TRAPPC12: variants seen among roughly 807,000 people sequenced by gnomAD.
TRAPPC12 encodes trafficking protein particle complex subunit 12, also known as TPR repeat protein 15.
TRAPPC12 carries 61 observed loss-of-function variants against 69.2 expected under a neutral mutation model. The ratio of observed to expected loss-of-function variants is 0.88; its 90% CI spans 0.72 to 1.09. TRAPPC12 has a LOEUF of 1.09. TRAPPC12 is among the 50% of genes least tolerant of loss of function. TRAPPC12 has a pLI of 0.00. For synonymous variants in TRAPPC12, 469 were observed against 438.9 expected (o/e 1.07, Z -0.86); for missense variants, 1,101 against 1,016.4 (o/e 1.08, Z -1.13).
At chr2:3,411,499 T>C (rs1662057874) in intron 3 of TRAPPC12, among the ~76,000 whole-genome samples, 1 of 152,262 alleles carries the variant, frequency 6.6e-6, no homozygotes, top group Admixed American at 6.5e-5. Flanking sequence ...CACTGTCCTT[T>C]TACATTTTAG....
intron 5 of TRAPPC12, 137 bp downstream of exon 5, chr2:3,424,800 C>T (rs546389856): frequency 2.1e-6 from 2 of 962,528 alleles, no homozygotes; most frequent in African/African-American, 3.3e-5. Flanking sequence ...CAGCAACAAG[C>T]CTTGACTTAC....
At chr2:3,461,614 C>T (rs1355767951) in intron 8 of TRAPPC12, among the ~76,000 whole-genome samples, 1 of 152,238 alleles carries the variant, frequency 6.6e-6, no homozygotes, top group African/African-American at 2.4e-5. Context: ...TTACGGTTTT[C>T]AAGTTCTGTG....
intron 6 of TRAPPC12, among the ~76,000 whole-genome samples, chr2:3,446,997 C>T (rs6758292): frequency 0.024 from 3,637 of 152,242 alleles, 134 homozygotes; most frequent in African/African-American, 0.084. Flanking sequence ...AAGGAATACC[C>T]GAGGGTGAGT....
chr2:3,399,706 AT>A (rs1661318120), intron 2 of TRAPPC12, among the ~76,000 whole-genome samples: 1 of 152,124 alleles, frequency 6.6e-6, no homozygotes, highest in African/African-American at 2.4e-5. Flanking sequence ...CATGGTCTAG[AT>A]TCTGTTCTTC....
intron 3 of TRAPPC12, among the ~76,000 whole-genome samples, chr2:3,411,189 A>G (rs1662035052): frequency 6.6e-6 from 1 of 152,214 alleles, no homozygotes; most frequent in African/African-American, 2.4e-5. Context: ...TATACTTAGT[A>G]GTAACTTACA....
chr2:3,408,973 A>C (rs769755660), intron 3 of TRAPPC12, among the ~76,000 whole-genome samples: 9 of 152,072 alleles, frequency 5.9e-5, no homozygotes, highest in Non-Finnish European at 1.0e-4. Flanking sequence ...TGCGGCACAG[A>C]GCTATGTGCA....
At chr2:3,433,423 C>T (rs549594795) in intron 5 of TRAPPC12, among the ~76,000 whole-genome samples, 16 of 152,342 alleles carry the variant, frequency 1.1e-4, no homozygotes, top group Non-Finnish European at 1.9e-4. Flanking sequence ...GCACAGGCGT[C>T]CAGGCATCAT....
chr2:3,418,951 A>T (rs920420150), intron 3 of TRAPPC12, among the ~76,000 whole-genome samples: 1 of 151,668 alleles, frequency 6.6e-6, no homozygotes, highest in South Asian at 2.1e-4. Flanking sequence ...CTCCTCATCC[A>T]CACCTGCTCG....
chr2:3,469,648 C>T (rs1202800303), intron 9 of TRAPPC12, among the ~76,000 whole-genome samples: 1 of 152,200 alleles, frequency 6.6e-6, no homozygotes, highest in Admixed American at 6.5e-5. Context: ...ACCCAGGTCC[C>T]CCACACGGCC....
In TRAPPC12 at chr2:3,388,027, C is replaced by A; in HGVS notation, c.404C>A (p.Ala135Glu). ...PSSGGAPRQD[A>E]AREVPGSEAA... ...AGCGGAGGGGCCCCGAGGCAGGACG[C>A]GGCCCGCGAGGTCCCAGGCAGCGAA... Residue 135 changes from alanine to glutamate, a missense_variant, in exon 2 of 12, where the codon GCG becomes GAG. Transcript: ENST00000324266. 6.8e-7 allele frequency: 1 copy of A among 1,474,642 alleles called. No homozygotes were observed. The highest frequency in any genetic ancestry group is 8.9e-7 in the Non-Finnish European group (1 of 1,119,498). 91.3% of individuals were successfully genotyped at this position (1,474,642 alleles called of 1,614,324 possible). A position where few individuals can be genotyped will look rare whatever the true frequency, so the allele number is the denominator to read the frequency against.
chr2:3,432,792 C>T (rs1663511930), intron 5 of TRAPPC12, among the ~76,000 whole-genome samples: 1 of 152,214 alleles, frequency 6.6e-6, no homozygotes, highest in Non-Finnish European at 1.5e-5. Context: ...GGTTCCGTAT[C>T]TACCATGAGA....
chr2:3,456,185 G>A (rs1665141069), intron 6 of TRAPPC12: 1 of 152,214 alleles, frequency 6.6e-6, no homozygotes, highest in African/African-American at 2.4e-5. Flanking sequence ...ACGGTTAAGA[G>A]GAAACATCCT....
In TRAPPC12 at chr2:3,433,448, G is replaced by A. The variant is rs567887718; in HGVS notation, c.1417+8785G>A. ...CCAGGCATCATGTCACACCTGCTGC[G>A]GCCTCACGGCAACCTAGCTGCCTCT... On this transcript the variant is annotated intron_variant, in intron 5 of 11. Coordinates refer to ENST00000324266, the MANE Select transcript of TRAPPC12 (RefSeq NM_016030.6). Among the ~76,000 whole-genome samples, 7 of 152,242 alleles carry A rather than the reference G, an allele frequency of 4.6e-5. 1 individual carries two copies. In the East Asian group the frequency reaches 5.8e-4, roughly 13 times the overall value.
intron 7 of TRAPPC12, 163 bp from the exon 8 acceptor site, chr2:3,460,100 C>T (rs996731417): frequency 4.3e-6 from 3 of 704,606 alleles, no homozygotes; most frequent in Non-Finnish European, 7.8e-6. Context: ...TATTTTCTGC[C>T]TCAGTGCAGC....
At chr2:3,423,760 ATTC>A (rs918090274) in intron 4 of TRAPPC12, among the ~76,000 whole-genome samples, 1 of 152,170 alleles carries the variant, frequency 6.6e-6, no homozygotes, top group African/African-American at 2.4e-5. Flanking sequence ...AGTGAAATTC[ATTC>A]TTCTCATCAG....
intron 1 of TRAPPC12, among the ~76,000 whole-genome samples, chr2:3,386,489 T>C (rs1318673747): frequency 6.6e-6 from 1 of 152,140 alleles, no homozygotes; most frequent in Non-Finnish European, 1.5e-5. Flanking sequence ...ACGAAGACAG[T>C]GATAGCAGCT....
chr2:3,450,002 G>A (rs1415797910), intron 6 of TRAPPC12, among the ~76,000 whole-genome samples: 1 of 152,074 alleles, frequency 6.6e-6, no homozygotes, highest in African/African-American at 2.4e-5. Context: ...AGAAGAAGAA[G>A]AGGGAGCGGA....
chr2:3,431,352 A>C (rs1439481380), intron 5 of TRAPPC12, among the ~76,000 whole-genome samples: 1 of 152,222 alleles, frequency 6.6e-6, no homozygotes, highest in East Asian at 1.9e-4. Context: ...TGCAGGGAGC[A>C]TCCCGGTCCC....
At chr2:3,466,470 C>T (rs1035683494) in intron 9 of TRAPPC12, 10 of 454,076 alleles carry the variant, frequency 2.2e-5, no homozygotes, top group African/African-American at 2.0e-4. Flanking sequence ...ACTGAGGTCT[C>T]CTGGTTAAGT....
Sources: allele counts gnomAD v4.1 joint callset (sites outside exome capture counted in the v4.1 genomes callset), GRCh38; gene constraint gnomAD v4.1.1; transcripts MANE v1.5; gene names NCBI Gene and HGNC (gene_info 2026-07-23, HGNC 2026-07-21).